Variants in ZNF701 observed in about 807,000 individuals in gnomAD.
ZNF701 encodes the protein zinc finger protein 701.
Under a neutral mutation model 7.1 loss-of-function variants are expected in ZNF701, and 6 were observed. The ratio of observed to expected loss-of-function variants is 0.84; its 90% CI spans 0.46 to 1.66. The LOEUF (loss-of-function observed/expected upper bound fraction) is 1.66, where lower values mean the gene tolerates loss of function less well. Among genes scored for constraint, ZNF701 ranks in the 40% most tolerant of loss-of-function variants. The pLI is 0.01. For missense variants in ZNF701, 541 were observed against 559.2 expected (o/e 0.97, Z 0.33); for synonymous variants, 166 against 188.2 (o/e 0.88, Z 0.97).
downstream of ZNF701, among the ~76,000 whole-genome samples, chr19:52,588,312 C>G (rs1217427356): frequency 1.3e-5 from 2 of 151,730 alleles, no homozygotes; most frequent in Non-Finnish European, 2.9e-5. Flanking sequence ...ATGGTAAAAC[C>G]CCATCTCTAG....
chr19:52,597,138 G>C, the ZNF701 span: 1 of 748,248 alleles, frequency 1.3e-6, no homozygotes, highest in Non-Finnish European at 2.3e-6. Context: ...ATATCTTGCA[G>C]TTTATCAGCG....
intron 3 of ZNF701, among the ~76,000 whole-genome samples, chr19:52,580,228 C>G (rs1337165784): frequency 3.3e-5 from 5 of 151,628 alleles, no homozygotes; most frequent in African/African-American, 4.9e-5. Context: ...CAGGCGTGAG[C>G]CACCGCGCCC....
Position 52,583,729 on chromosome 19 carries a change from C to A in ZNF701, c.*272C>A. The A allele has an allele frequency of 1.3e-6, 1 of 744,376 alleles. No individual in the cohort carries two copies. Among genetic ancestry groups the A allele is most frequent in the Non-Finnish European group, 2.4e-6 (1 of 419,556 alleles). 46.1% of individuals were successfully genotyped at this position (744,376 alleles called of 1,614,324 possible). ...TACAAGTGTAATGAGTGTGGCAGAG[C>A]CTTTGGTGGTCAGTCAACACTTACT... On this transcript the variant is annotated 3_prime_UTR_variant, in exon 4 of 4. Transcript: ENST00000391785.
chr19:52,594,191 G>A, the ZNF701 span: 151 of 119,920 alleles, frequency 1.3e-3, 28 homozygotes, highest in East Asian at 0.027. Flanking sequence ...GGCGGCGCGC[G>A]CCTGCAATCA....
chr19:52,590,782 G>C (rs1201242465), downstream of ZNF701, among the ~76,000 whole-genome samples: 1 of 152,148 alleles, frequency 6.6e-6, no homozygotes, highest in Non-Finnish European at 1.5e-5. Flanking sequence ...GTTAATTTAA[G>C]TGTGTGTGGG....
chr19:52,579,977 T>G (rs1401778148), intron 3 of ZNF701, among the ~76,000 whole-genome samples: 1 of 143,292 alleles, frequency 7.0e-6, no homozygotes, highest in Non-Finnish European at 1.5e-5. Flanking sequence ...AGTCTCGCTC[T>G]GTAGCCCAGG....
intron 1 of ZNF701, chr19:52,572,425 G>T (rs1250374895): frequency 1.6e-6 from 2 of 1,276,506 alleles, no homozygotes; most frequent in South Asian, 1.3e-5. Context: ...TAATTTTCTT[G>T]TGAGGAAGAA....
chr19:52,582,531 G>C lies in ZNF701; in HGVS notation c.472G>C (p.Gly158Arg), dbSNP rs752925432. 1 of 1,614,164 alleles carries C rather than the reference G, an allele frequency of 6.2e-7. No homozygotes were observed. The highest frequency in any genetic ancestry group is 1.1e-5 in the South Asian group (1 of 91,086). ...TGAAGTGCACATATTTCACCCCGAAGGGAAAATTGGTAATCAAGTTGAGAA... is the reference window on the plus strand; with the variant it reads ...TGAAGTGCACATATTTCACCCCGAACGGAAAATTGGTAATCAAGTTGAGAA... ...LPEVHIFHPE[G>R]KIGNQVEKAI... The change falls in exon 4 of 4, where the codon GGG becomes CGG. Residue 158 changes from glycine to arginine, a missense_variant. Physicochemically the swap from Gly to Arg is moderately radical, Grantham distance 125. Coordinates refer to ENST00000391785, the MANE Select transcript of ZNF701 (RefSeq NM_018260.3).
chr19:52,592,363 C>T, the ZNF701 span: 1 of 986,122 alleles, frequency 1.0e-6, no homozygotes, highest in Non-Finnish European at 1.5e-6. Flanking sequence ...ACAGTGATGA[C>T]CCTCATATTT....
downstream of ZNF701, among the ~76,000 whole-genome samples, chr19:52,587,956 G>A (rs565758670): frequency 1.3e-5 from 2 of 152,272 alleles, no homozygotes; most frequent in East Asian, 3.9e-4. Context: ...ATGGGGTTTG[G>A]TTAGGGCCAG....
rs955753554 is a variant in ZNF701, at chr19:52,578,452, C to A, written c.142+2431C>A. On this transcript the variant is annotated intron_variant, in intron 3 of 3. Coordinates refer to ENST00000391785, the MANE Select transcript of ZNF701 (RefSeq NM_018260.3). ...GTCTTGTATGCAATAAATATCAGCG[C>A]ACCCAGCTGTTTGGGGCCACTACCT... Among the ~76,000 whole-genome samples, 12 of 152,226 alleles carry A rather than the reference C, an allele frequency of 7.9e-5. No individual in the cohort carries two copies. The East Asian group carries it at 1.2e-3, about 15-fold the overall frequency.
chr19:52,589,424 G>T (rs1326343648), downstream of ZNF701, among the ~76,000 whole-genome samples: 1 of 147,836 alleles, frequency 6.8e-6, no homozygotes, highest in Non-Finnish European at 1.5e-5. Context: ...CTGGTGTTTT[G>T]TTCACATTAT....
Position 52,582,371 on chromosome 19 carries a change from T to C in ZNF701, c.312T>C (p.Asn104=). 9 of 1,613,532 alleles carry C rather than the reference T, an allele frequency of 5.6e-6. No homozygotes were observed. The highest frequency in any genetic ancestry group is 7.6e-6 in the Non-Finnish European group (9 of 1,179,822). ...ACTTTGTGTTTCAGTGGCAAGAAAA[T>C]GAAACAAATGGCCATGAAGCACTCA... is the stretch of plus-strand genomic sequence containing the variant. ...IHDFVFQWQE[N]ETNGHEALMT... Residue 104 remains asparagine (N), a synonymous_variant, in exon 4 of 4, where the codon AAT becomes AAC. Coordinates refer to ENST00000391785, the MANE Select transcript of ZNF701 (RefSeq NM_018260.3).
At chr19:52,593,368 G>A in the ZNF701 span, among the ~76,000 whole-genome samples, 7 of 114,990 alleles carry the variant, frequency 6.1e-5, 3 homozygotes, top group African/African-American at 1.7e-4. Context: ...GGGCAGAGGC[G>A]CCCCTCACCT....
chr19:52,575,650 C>T, intron 2 of ZNF701: 1 of 357,878 alleles, frequency 2.8e-6, no homozygotes, highest in Non-Finnish European at 5.3e-6. Context: ...CAGATGCCTG[C>T]CACCATACCC....
chr19:52,597,285 A>G, the ZNF701 span: 5 of 545,544 alleles, frequency 9.2e-6, no homozygotes, highest in East Asian at 2.5e-4. Flanking sequence ...CAAAGTCTTG[A>G]CTTCACGTTC....
intron 3 of ZNF701, among the ~76,000 whole-genome samples, chr19:52,581,616 A>T (rs1343770980): frequency 1.3e-5 from 2 of 152,156 alleles, no homozygotes; most frequent in African/African-American, 4.8e-5. Flanking sequence ...GGCTTAAAGC[A>T]ATTCTTGTGC....
the ZNF701 span, among the ~76,000 whole-genome samples, chr19:52,599,289 A>G: frequency 6.6e-6 from 1 of 152,068 alleles, no homozygotes; most frequent in African/African-American, 2.4e-5. Context: ...TGAAAGGCAA[A>G]CAACAAGGGA....
chr19:52,584,495 G>GT lies in ZNF701; in HGVS notation c.*1043dup, dbSNP rs1472852601. 1 of 152,712 alleles carries GT rather than the reference G, an allele frequency of 6.5e-6. No individual in the cohort carries two copies. The highest frequency in any genetic ancestry group is 1.5e-5 in the Non-Finnish European group (1 of 68,492). 9.5% of individuals were successfully genotyped at this position (152,712 alleles called of 1,614,324 possible). A position where few individuals can be genotyped will look rare whatever the true frequency, so the allele number is the denominator to read the frequency against. On this transcript the variant is annotated 3_prime_UTR_variant, in exon 4 of 4. Coordinates refer to ENST00000391785, the MANE Select transcript of ZNF701 (RefSeq NM_018260.3). ...GTTTCTTTAACAAAAACCAATAGGG[G>GT]TTTTTATAGGTATTGTGTTGAATCT...
Sources: gnomAD v4.1 joint callset for allele counts (sites outside exome capture counted in the v4.1 genomes callset) on GRCh38, gnomAD v4.1.1 for gene constraint, MANE v1.5 for transcripts, NCBI Gene and HGNC (gene_info 2026-07-23, HGNC 2026-07-21) for gene names.